Variants in NKAIN2 observed in about 807,000 individuals in gnomAD.
The protein encoded by NKAIN2 is sodium/potassium transporting ATPase interacting 2, also known as sodium/potassium-transporting ATPase subunit beta-1-interacting protein 2.
NKAIN2 carries 14 observed loss-of-function variants against 32.6 expected under a neutral mutation model. The ratio of observed to expected loss-of-function variants is 0.43; its 90% CI spans 0.28 to 0.67. The LOEUF is 0.67. Among genes scored for constraint, NKAIN2 ranks in the 30% least tolerant of loss-of-function variants. The pLI, the probability that NKAIN2 is intolerant of heterozygous loss-of-function variation, is 0.17. For synonymous variants in NKAIN2, 80 were observed against 87.2 expected (o/e 0.92, Z 0.46); for missense variants, 198 against 258.3 (o/e 0.77, Z 1.60).
intron 4 of NKAIN2, among the ~76,000 whole-genome samples, chr6:124,789,372 C>T (rs1263180835): frequency 1.3e-5 from 2 of 151,982 alleles, no homozygotes; most frequent in Admixed American, 6.6e-5. Context: ...AAACCTGTAA[C>T]ATTTAGCCAC....
chr6:124,527,202 G>A (rs1271866818), intron 3 of NKAIN2, among the ~76,000 whole-genome samples: 1 of 152,130 alleles, frequency 6.6e-6, no homozygotes, highest in African/African-American at 2.4e-5. Flanking sequence ...TATGGAATAA[G>A]GGAATAACAA....
intron 5 of NKAIN2, among the ~76,000 whole-genome samples, chr6:124,799,675 A>T (rs1562390183): frequency 6.6e-6 from 1 of 152,202 alleles, no homozygotes; most frequent in Non-Finnish European, 1.5e-5. Flanking sequence ...GGTATTTTTT[A>T]TGCAAAGAAT....
At chr6:124,772,075 AAGAT>A (rs1198340641) in intron 4 of NKAIN2, among the ~76,000 whole-genome samples, 2 of 152,208 alleles carry the variant, frequency 1.3e-5, no homozygotes, top group Non-Finnish European at 2.9e-5. Flanking sequence ...AAGAGTGAGA[AAGAT>A]ATTTTTTAAA....
chr6:124,588,186 C>T (rs774766978), intron 3 of NKAIN2, among the ~76,000 whole-genome samples: 3 of 152,162 alleles, frequency 2.0e-5, no homozygotes, highest in Non-Finnish European at 4.4e-5. Context: ...TAGTGCCTAA[C>T]ATAGCATCGT....
chr6:124,092,274 A>G (rs1327047515), intron 1 of NKAIN2, among the ~76,000 whole-genome samples: 1 of 151,994 alleles, frequency 6.6e-6, no homozygotes, highest in African/African-American at 2.4e-5. Context: ...CCCATATTTT[A>G]TTATTTATGT....
intron 1 of NKAIN2, among the ~76,000 whole-genome samples, chr6:124,125,184 A>G (rs1337732401): frequency 2.0e-5 from 3 of 152,140 alleles, no homozygotes; most frequent in African/African-American, 7.2e-5. Context: ...ATGTTTGATT[A>G]TTTTATGAGG....
intron 3 of NKAIN2, among the ~76,000 whole-genome samples, chr6:124,622,612 T>C (rs1181627675): frequency 6.6e-6 from 1 of 152,124 alleles, no homozygotes; most frequent in Non-Finnish European, 1.5e-5. Context: ...TGGGAAGAAT[T>C]GGATCACATT....
intron 1 of NKAIN2, among the ~76,000 whole-genome samples, chr6:124,148,574 A>G (rs1582739638): frequency 1.3e-5 from 2 of 152,218 alleles, no homozygotes; most frequent in Middle Eastern, 6.8e-3. Flanking sequence ...CTGCAGATCA[A>G]TATGTGGTGT....
intron 1 of NKAIN2, among the ~76,000 whole-genome samples, chr6:124,024,148 G>A (rs1044226020): frequency 4.6e-5 from 7 of 151,966 alleles, no homozygotes; most frequent in African/African-American, 7.3e-5. Flanking sequence ...CAAGAAAAAA[G>A]AAATAATGTT....
intron 1 of NKAIN2, among the ~76,000 whole-genome samples, chr6:124,157,605 A>G (rs62435641): frequency 0.2 from 30,137 of 152,100 alleles, 3,240 homozygotes; most frequent in East Asian, 0.4. Context: ...TATGTTGTCA[A>G]CTGTTCTCCC....
At chr6:123,881,786 C>T (rs993512359) in intron 1 of NKAIN2, among the ~76,000 whole-genome samples, 4 of 152,124 alleles carry the variant, frequency 2.6e-5, no homozygotes, top group African/African-American at 9.7e-5. Context: ...TTCTGTAAAG[C>T]ACTATCATGA....
intron 1 of NKAIN2, among the ~76,000 whole-genome samples, chr6:124,049,751 TG>T: frequency 6.6e-6 from 1 of 152,154 alleles, no homozygotes; most frequent in African/African-American, 2.4e-5. Flanking sequence ...ACTCACTACC[TG>T]CCCATTAGCC....
At chr6:124,227,275 T>A (rs1003135112) in intron 1 of NKAIN2, among the ~76,000 whole-genome samples, 12 of 152,090 alleles carry the variant, frequency 7.9e-5, no homozygotes, top group African/African-American at 2.9e-4. Context: ...ATGGACTGAC[T>A]TTCCCTTCCT....
chr6:124,138,822 G>C (rs988033293), intron 1 of NKAIN2, among the ~76,000 whole-genome samples: 2 of 150,326 alleles, frequency 1.3e-5, no homozygotes, highest in African/African-American at 2.4e-5. Flanking sequence ...AAGTAACTCA[G>C]GAATGGAAAT....
intron 1 of NKAIN2, among the ~76,000 whole-genome samples, chr6:124,199,623 A>C (rs368399288): frequency 4.3e-4 from 65 of 152,310 alleles, no homozygotes; most frequent in African/African-American, 1.6e-3. Context: ...AAATATGAAT[A>C]TGCATTTCTA....
chr6:124,190,888 GC>G (rs1388116334), intron 1 of NKAIN2, among the ~76,000 whole-genome samples: 3 of 152,016 alleles, frequency 2.0e-5, no homozygotes, highest in Non-Finnish European at 4.4e-5. Flanking sequence ...TAGGTTCATA[GC>G]AAAAATTGAG....
intron 3 of NKAIN2, among the ~76,000 whole-genome samples, chr6:124,597,948 C>G (rs780679404): frequency 1.1e-4 from 16 of 152,164 alleles, no homozygotes; most frequent in Non-Finnish European, 1.2e-4. Context: ...ACATCTAAGT[C>G]TTACTATCAA....
intron 3 of NKAIN2, among the ~76,000 whole-genome samples, chr6:124,362,482 T>G (rs1799329842): frequency 6.6e-6 from 1 of 152,178 alleles, no homozygotes; most frequent in Non-Finnish European, 1.5e-5. Flanking sequence ...ATTTTCTGTT[T>G]CCTTTTACTA....
chr6:124,637,420 C>A (rs1783815038), intron 3 of NKAIN2, among the ~76,000 whole-genome samples: 1 of 151,828 alleles, frequency 6.6e-6, no homozygotes, highest in Non-Finnish European at 1.5e-5. Context: ...AGAGGGCATC[C>A]AAATTGGAAA....
Sources: gnomAD v4.1 joint callset for allele counts (sites outside exome capture counted in the v4.1 genomes callset) on GRCh38, gnomAD v4.1.1 for gene constraint, MANE v1.5 for transcripts, NCBI Gene and HGNC (gene_info 2026-07-23, HGNC 2026-07-21) for gene names.